ABI3BP: variants seen among roughly 807,000 people sequenced by gnomAD.
The protein encoded by ABI3BP is ABI family member 3 binding protein, also known as target of Nesh-SH3.
A neutral mutation model predicts 268.6 loss-of-function variants in ABI3BP; 216 were observed. The observed-to-expected ratio is 0.80, with a 90% confidence interval of 0.72 to 0.90. ABI3BP has a LOEUF of 0.90. Among genes scored for constraint, ABI3BP ranks in the 40% least tolerant of loss-of-function variants. The probability of loss-of-function intolerance (pLI) is 0.00; values close to 1 mark genes in which losing one functional copy is unlikely to be tolerated. For synonymous variants in ABI3BP, 730 were observed against 730.0 expected (o/e 1.00, Z 0.00); for missense variants, 2,090 against 2,182.4 (o/e 0.96, Z 0.84).
chr3:100,816,709 C>G lies in ABI3BP; in HGVS notation c.3208G>C (p.Glu1070Gln). The G allele has an allele frequency of 6.5e-7, 1 of 1,535,804 alleles. No homozygotes were observed. Among genetic ancestry groups the G allele is most frequent in the Non-Finnish European group, 8.7e-7 (1 of 1,146,672 alleles). The change falls in exon 43 of 68, where the codon GAA (glutamate) becomes CAA (glutamine). Residue 1070 changes from glutamate to glutamine, a missense_variant. Transcript: ENST00000471714. ...RPRPKTTSSPEVPQNKSVSVT... is the reference protein window; with the variant it reads ...RPRPKTTSSPQVPQNKSVSVT... Reference sequence around the variant, plus strand: ...TTACCCGATTTGTTCTGAGGTACTTCAGGACTTGATGTAGTTTTGGGTCTG... The same window carrying G: ...TTACCCGATTTGTTCTGAGGTACTTGAGGACTTGATGTAGTTTTGGGTCTG...
At chr3:100,822,896 A>G (rs1237380267) in intron 37 of ABI3BP, among the ~76,000 whole-genome samples, 1 of 152,110 alleles carries the variant, frequency 6.6e-6, no homozygotes, top group Non-Finnish European at 1.5e-5. Flanking sequence ...TTTAATGAAA[A>G]TCTCATAGGG....
intron 5 of ABI3BP, among the ~76,000 whole-genome samples, chr3:100,885,924 G>A (rs969504486): frequency 6.6e-6 from 1 of 151,850 alleles, no homozygotes; most frequent in Non-Finnish European, 1.5e-5. Context: ...CATCAATGGA[G>A]GCATCAAATA....
At chr3:100,805,010 A>G (rs894238369) in intron 50 of ABI3BP, 144 bp from the exon 51 acceptor site, 28 of 653,580 alleles carry the variant, frequency 4.3e-5, no homozygotes, top group Middle Eastern at 4.2e-4. Context: ...TAGAAAGAAG[A>G]CCTAACCTTA....
Position 100,915,628 on chromosome 3 carries a change from T to C in ABI3BP, c.259+10674A>G, listed in dbSNP as rs75694530. ...AACCCAGGCTCCAAGACTCTGCGCC[T>C]GCTCTGTTGTCTGATAGGACCTCAC... is the stretch of plus-strand genomic sequence containing the variant. On this transcript the variant is annotated intron_variant, in intron 2 of 67. Transcript: ENST00000471714. Among the ~76,000 whole-genome samples, 83 of 152,346 alleles carry C rather than the reference T, an allele frequency of 5.4e-4. No homozygotes were observed. The East Asian group carries it at 0.015, about 27-fold the overall frequency.
intron 4 of ABI3BP, among the ~76,000 whole-genome samples, chr3:100,894,937 T>TAAAAAAAAAAAAA (rs1375517243): frequency 1.5e-4 from 1 of 6,664 alleles, no homozygotes; most frequent in African/African-American, 4.4e-4. Flanking sequence ...GGATTCCGCT[T>TAAAAAAAAAAAAA]CAAAAAAAAA....
At position 100,863,982 on chromosome 3, in the gene ABI3BP, C is replaced by T. The variant is rs1486409024; in HGVS notation, c.1138+20G>A. On this transcript the variant is annotated intron_variant, in intron 12 of 67. Transcript: ENST00000471714. ...AATATCCAAGGTAATAATAAAGCTG[C>T]AGTATTTATTATTTTTTACCTAGAG... 2.1e-6 allele frequency: 3 copies of T among 1,449,782 alleles called. No individual in the cohort carries two copies. Among genetic ancestry groups the T allele is most frequent in the Non-Finnish European group, 2.8e-6 (3 of 1,068,272 alleles). 89.8% of individuals were successfully genotyped at this position (1,449,782 alleles called of 1,614,324 possible).
At position 100,822,645 on chromosome 3, in the gene ABI3BP, C is replaced by T. The variant is rs369016495; in HGVS notation, c.2831G>A (p.Arg944His). Reference sequence around the variant, plus strand: ...TGTGGTTTTTGTTCTGAGACGTGGACGACGTGTCCGTTGTGATGTTTTGGA... The same window carrying T: ...TGTGGTTTTTGTTCTGAGACGTGGATGACGTGTCCGTTGTGATGTTTTGGA... ...LASKTSQRTR[R>H]PRLRTKTTPR... is the part of the protein sequence containing the mutation. Residue 944 changes from arginine (R) to histidine (H), a missense_variant, in exon 38 of 68, where the codon CGT (arginine) becomes CAT (histidine). By Grantham distance (29) the Arg-to-His change is conservative. Coordinates refer to ENST00000471714, the MANE Select transcript of ABI3BP (RefSeq NM_001375547.2). 7.7e-5 allele frequency: 119 copies of T among 1,536,502 alleles called. No homozygotes were observed. The highest frequency in any genetic ancestry group is 6.2e-4 in the African/African-American group (45 of 73,134).
intron 63 of ABI3BP, among the ~76,000 whole-genome samples, chr3:100,765,512 A>G (rs181804820): frequency 6.6e-6 from 1 of 152,140 alleles, no homozygotes; most frequent in Admixed American, 6.5e-5. Context: ...CTTCCCATGT[A>G]GTTTACATTA....
chr3:100,938,351 C>T (rs1253200297), intron 1 of ABI3BP, among the ~76,000 whole-genome samples: 2 of 151,284 alleles, frequency 1.3e-5, no homozygotes, highest in African/African-American at 4.9e-5. Context: ...TTAACATTTT[C>T]TTTAATTCTT....
intron 1 of ABI3BP, among the ~76,000 whole-genome samples, chr3:100,957,117 A>G (rs1243727522): frequency 6.6e-6 from 1 of 152,196 alleles, no homozygotes; most frequent in Non-Finnish European, 1.5e-5. Flanking sequence ...CAGGGAAACT[A>G]TTTAGGAAAC....
intron 48 of ABI3BP, 81 bp downstream of exon 48, chr3:100,811,149 A>G: frequency 8.3e-7 from 1 of 1,208,208 alleles, no homozygotes; most frequent in South Asian, 1.4e-5. Context: ...TGAATTCACA[A>G]TGAGAGAGAC....
chr3:100,771,060 G>A, intron 61 of ABI3BP, 108 bp from the exon 62 acceptor site: 1 of 1,032,876 alleles, frequency 9.7e-7, no homozygotes, highest in South Asian at 2.5e-5. Flanking sequence ...ATTATAAGCG[G>A]ATGGTTGAAA....
At chr3:100,751,965 T>G (rs925700016) in intron 66 of ABI3BP, among the ~76,000 whole-genome samples, 3 of 152,208 alleles carry the variant, frequency 2.0e-5, no homozygotes, top group Admixed American at 2.0e-4. Context: ...AAACTCCACA[T>G]GATTTCACAC....
At chr3:100,900,322 C>T (rs534204031) in intron 3 of ABI3BP, among the ~76,000 whole-genome samples, 1 of 152,288 alleles carries the variant, frequency 6.6e-6, no homozygotes, top group Admixed American at 6.5e-5. Context: ...TGTGATCTTC[C>T]CTTTTCAATT....
intron 1 of ABI3BP, among the ~76,000 whole-genome samples, chr3:100,974,411 A>G (rs1406593834): frequency 2.6e-5 from 4 of 152,202 alleles, no homozygotes; most frequent in African/African-American, 9.6e-5. Context: ...ATGAAATTCT[A>G]CTCAACCAGT....
At position 100,993,378 on chromosome 3, in the gene ABI3BP, A is replaced by G; in HGVS notation, c.7T>C (p.Ser3Pro). The change falls in exon 1 of 68, where the codon TCC becomes CCC. Residue 3 changes from serine (S) to proline (P), a missense_variant. Transcript: ENST00000471714. ML[S>P]SLGCLLLCGS... The stretch of plus-strand genomic sequence containing the variant: ...CAGAGAAGTAGACACCCCAAACTGG[A>G]GAGCATGTTGCATTTGCCACCTCGC... 1 of 1,552,908 alleles carries G rather than the reference A, an allele frequency of 6.4e-7. No individual in the cohort carries two copies. The highest frequency in any genetic ancestry group is 8.7e-7 in the Non-Finnish European group (1 of 1,147,524).
At chr3:100,790,588 T>C (rs1036144407) in intron 55 of ABI3BP, among the ~76,000 whole-genome samples, 3 of 151,976 alleles carry the variant, frequency 2.0e-5, no homozygotes, top group Non-Finnish European at 2.9e-5. Flanking sequence ...TTTGCCATAC[T>C]TCAAACCAAC....
intron 17 of ABI3BP, among the ~76,000 whole-genome samples, chr3:100,849,273 CTGGAG>C (rs1429340903): frequency 1.4e-5 from 2 of 142,986 alleles, no homozygotes; most frequent in African/African-American, 5.3e-5. Context: ...GTCACCCAGG[CTGGAG>C]TGCGTGGCGC....
intron 24 of ABI3BP, among the ~76,000 whole-genome samples, chr3:100,839,330 G>T (rs1443492029): frequency 6.6e-6 from 1 of 152,168 alleles, no homozygotes; most frequent in Non-Finnish European, 1.5e-5. Flanking sequence ...GCAGACAGAA[G>T]GTCAGCAGAG....
Sources: allele counts gnomAD v4.1 joint callset (sites outside exome capture counted in the v4.1 genomes callset), GRCh38; gene constraint gnomAD v4.1.1; transcripts MANE v1.5; gene names NCBI Gene and HGNC (gene_info 2026-07-23, HGNC 2026-07-21).